Variants in ALK observed in about 807,000 individuals in gnomAD.
ALK encodes the protein ALK tyrosine kinase receptor.
A neutral mutation model predicts 163.1 loss-of-function variants in ALK; 74 were observed. The observed-to-expected ratio is 0.45, with a 90% CI of 0.38 to 0.55. ALK has a LOEUF of 0.55. Among genes scored for constraint, ALK ranks in the 20% least tolerant of loss-of-function variants. The pLI is 0.00. For synonymous variants in ALK, 960 were observed against 843.2 expected, an observed-to-expected ratio of 1.14 and a Z score of -2.40; for missense variants, 2,063 against 2,105.3, an observed-to-expected ratio of 0.98 and a Z score of 0.39.
chr2:29,680,979 T>C lies in ALK; in HGVS notation c.952+13871A>G, dbSNP rs1364485072. ...CAGTGTGTGTAGGCTGATGTCTCTA[T>C]TGATTGTTTTTCAGGTGCTTATTTT... On this transcript the variant is annotated intron_variant, in intron 3 of 28. Coordinates refer to ENST00000389048, the MANE Select transcript of ALK (RefSeq NM_004304.5). 10 of 152,266 alleles carry C rather than the reference T, an allele frequency of 6.6e-5. 1 individual carries two copies. In the East Asian group the frequency reaches 1.5e-3, roughly 24 times the overall value. 9.4% of individuals were successfully genotyped at this position (152,266 alleles called of 1,614,324 possible).
At chr2:29,859,555 G>A (rs1239705987) in intron 1 of ALK, among the ~76,000 whole-genome samples, 3 of 152,148 alleles carry the variant, frequency 2.0e-5, no homozygotes, top group South Asian at 2.1e-4. Context: ...AGTGGGCCAC[G>A]GCAAAACCGC....
At chr2:29,851,754 C>A (rs540885213) in intron 1 of ALK, among the ~76,000 whole-genome samples, 1 of 152,212 alleles carries the variant, frequency 6.6e-6, no homozygotes, top group Non-Finnish European at 1.5e-5. Flanking sequence ...AGGGGCCTGG[C>A]GGAATACATG....
At chr2:29,796,157 C>G (rs549932547) in intron 1 of ALK, among the ~76,000 whole-genome samples, 54 of 152,220 alleles carry the variant, frequency 3.5e-4, no homozygotes, top group African/African-American at 1.3e-3. Context: ...AAATACTTCA[C>G]AAAGGGTCTC....
intron 4 of ALK, among the ~76,000 whole-genome samples, chr2:29,441,106 G>A (rs1325702728): frequency 6.6e-6 from 1 of 152,210 alleles, no homozygotes; most frequent in Non-Finnish European, 1.5e-5. Context: ...CCTGAACACT[G>A]TAAGAGGTAG....
chr2:29,590,030 C>T (rs1328360450), intron 3 of ALK, among the ~76,000 whole-genome samples: 1 of 152,176 alleles, frequency 6.6e-6, no homozygotes, highest in Admixed American at 6.5e-5. Flanking sequence ...GAAAGTCACC[C>T]CTGGGACACT....
chr2:29,213,859 C>G (rs1669527685), intron 24 of ALK, 125 bp downstream of exon 24: 2 of 823,046 alleles, frequency 2.4e-6, no homozygotes, highest in Non-Finnish European at 4.2e-6. Context: ...ATCCTACATC[C>G]AAATGGCTCT....
intron 1 of ALK, among the ~76,000 whole-genome samples, chr2:29,908,971 A>T (rs1667626009): frequency 1.3e-5 from 2 of 152,242 alleles, no homozygotes; most frequent in Admixed American, 1.3e-4. Flanking sequence ...TAAACCAATA[A>T]ATAAGCATTT....
At chr2:29,734,732 CAAATA>C (rs1295644606) in intron 1 of ALK, among the ~76,000 whole-genome samples, 5 of 151,670 alleles carry the variant, frequency 3.3e-5, no homozygotes, top group African/African-American at 1.2e-4. Context: ...CAACAGTAAT[CAAATA>C]AAAGAAAATT....
At chr2:29,261,957 A>T (rs1197592971) in intron 11 of ALK, among the ~76,000 whole-genome samples, 2 of 152,190 alleles carry the variant, frequency 1.3e-5, no homozygotes, top group Non-Finnish European at 2.9e-5. Context: ...TATTTGGTGG[A>T]TGGTGGAAGG....
chr2:29,779,712 A>G (rs1161675596), intron 1 of ALK, among the ~76,000 whole-genome samples: 1 of 152,266 alleles, frequency 6.6e-6, no homozygotes, highest in East Asian at 1.9e-4. Context: ...GTTAGAATAA[A>G]GAAGGTTTAA....
chr2:29,283,249 G>A (rs1466120065), intron 9 of ALK, among the ~76,000 whole-genome samples: 1 of 152,214 alleles, frequency 6.6e-6, no homozygotes, highest in African/African-American at 2.4e-5. Context: ...ATCTCTTGCA[G>A]AACCATCCAA....
chr2:29,819,084 TCTCCCGTCC>T (rs993590290), intron 1 of ALK, among the ~76,000 whole-genome samples: 2 of 152,086 alleles, frequency 1.3e-5, no homozygotes, highest in Admixed American at 1.3e-4. Flanking sequence ...AGTTCCTGCC[TCTCCCGTCC>T]CTCCAATCAG....
chr2:29,581,891 A>T (rs2148198961), intron 3 of ALK, among the ~76,000 whole-genome samples: 1 of 152,312 alleles, frequency 6.6e-6, no homozygotes, highest in African/African-American at 2.4e-5. Flanking sequence ...GCAGAGAGAA[A>T]CATGTAGAAA....
chr2:29,864,489 G>A (rs1666375194), intron 1 of ALK, among the ~76,000 whole-genome samples: 3 of 152,010 alleles, frequency 2.0e-5, no homozygotes, highest in Admixed American at 2.0e-4. Flanking sequence ...TAGTGTTTTT[G>A]TCTCCTTCTA....
At chr2:29,259,320 A>G (rs1396704589) in intron 11 of ALK, among the ~76,000 whole-genome samples, 1 of 152,190 alleles carries the variant, frequency 6.6e-6, no homozygotes, top group Non-Finnish European at 1.5e-5. Context: ...TGTACTACAC[A>G]TAGCTGCCCC....
At chr2:29,237,702 G>T (rs969434946) in intron 13 of ALK, among the ~76,000 whole-genome samples, 1 of 151,856 alleles carries the variant, frequency 6.6e-6, no homozygotes, top group East Asian at 1.9e-4. Flanking sequence ...TTGTGGGCTG[G>T]CTCTTCACAA....
At chr2:29,412,586 T>G (rs2148323024) in intron 4 of ALK, among the ~76,000 whole-genome samples, 1 of 152,300 alleles carries the variant, frequency 6.6e-6, no homozygotes, top group African/African-American at 2.4e-5. Context: ...TGGCAAATAA[T>G]TTTTCCCCAC....
At chr2:29,785,055 G>A (rs966058976) in intron 1 of ALK, among the ~76,000 whole-genome samples, 3 of 152,122 alleles carry the variant, frequency 2.0e-5, no homozygotes, top group Non-Finnish European at 4.4e-5. Flanking sequence ...ATCCTGCTGT[G>A]GGGGACAGCA....
At chr2:29,618,239 A>G (rs541419902) in intron 3 of ALK, among the ~76,000 whole-genome samples, 2 of 152,320 alleles carry the variant, frequency 1.3e-5, no homozygotes, top group Admixed American at 6.5e-5. Flanking sequence ...TCCAGATGCA[A>G]TTATAGTTGT....
Sources: allele counts gnomAD v4.1 joint callset (sites outside exome capture counted in the v4.1 genomes callset), GRCh38; gene constraint gnomAD v4.1.1; transcripts MANE v1.5; gene names NCBI Gene and HGNC (gene_info 2026-07-23, HGNC 2026-07-21).